PTPN2: variants seen among roughly 807,000 people sequenced by gnomAD.
The protein encoded by PTPN2 is protein tyrosine phosphatase non-receptor type 2.
Under a neutral mutation model 57.3 loss-of-function variants are expected in PTPN2, and 19 were observed. That is an observed-to-expected ratio of 0.33 (90% CI 0.23 to 0.49). The LOEUF (loss-of-function observed/expected upper bound fraction) is 0.49. Ranked by LOEUF, PTPN2 falls within the 20% of genes least tolerant of loss-of-function variation. The probability of loss-of-function intolerance (pLI) is 0.99; values close to 1 mark genes in which losing one functional copy is unlikely to be tolerated. For synonymous variants in PTPN2, 153 were observed against 164.9 expected, an observed-to-expected ratio of 0.93 and a Z score of 0.55; for missense variants, 358 against 501.1, an observed-to-expected ratio of 0.71 and a Z score of 2.73.
intron 1 of PTPN2, among the ~76,000 whole-genome samples, chr18:12,867,495 C>G (rs986338531): frequency 1.3e-5 from 2 of 151,906 alleles, no homozygotes; most frequent in African/African-American, 4.8e-5. Flanking sequence ...ATTGCTTACT[C>G]TTTCAGATGT....
downstream of PTPN2, among the ~76,000 whole-genome samples, chr18:12,791,327 A>AT (rs1278533102): frequency 6.6e-6 from 1 of 152,096 alleles, no homozygotes; most frequent in Admixed American, 6.5e-5. Context: ...TTTTTTTATA[A>AT]TTTTTTCTTC....
intron 7 of PTPN2, among the ~76,000 whole-genome samples, chr18:12,808,055 C>T (rs938606349): frequency 9.2e-5 from 14 of 151,788 alleles, no homozygotes; most frequent in South Asian, 2.1e-4. Flanking sequence ...TGGTGGCACG[C>T]GCCTGCAGTC....
intron 8 of PTPN2, among the ~76,000 whole-genome samples, chr18:12,800,349 G>C (rs943844843): frequency 6.6e-6 from 1 of 151,956 alleles, no homozygotes; most frequent in South Asian, 2.1e-4. Flanking sequence ...TCTGCAGATA[G>C]TACTAGATAA....
At chr18:12,870,301 G>GTA (rs2044157964) in intron 1 of PTPN2, among the ~76,000 whole-genome samples, 2 of 53,236 alleles carry the variant, frequency 3.8e-5, no homozygotes, top group East Asian at 1.7e-3. Context: ...ATATATATGT[G>GTA]TATATATACA....
intron 8 of PTPN2, 60 bp from the exon 9 acceptor site, chr18:12,794,545 AAC>A (rs957763731): frequency 5.7e-6 from 9 of 1,576,960 alleles, no homozygotes; most frequent in Non-Finnish European, 7.7e-6. Flanking sequence ...TGAGTACTCT[AAC>A]ACAGAGGACC....
intron 1 of PTPN2, among the ~76,000 whole-genome samples, chr18:12,874,489 G>A (rs2044405225): frequency 1.5e-5 from 2 of 133,348 alleles, no homozygotes; most frequent in African/African-American, 2.8e-5. Context: ...ACTGGGAAGT[G>A]AGGAGCCCCT....
intron 8 of PTPN2, among the ~76,000 whole-genome samples, chr18:12,795,937 C>CTTTTTTTTTT (rs71174143): frequency 7.1e-6 from 1 of 140,106 alleles, no homozygotes; most frequent in Non-Finnish European, 1.5e-5. Context: ...GATTTAAAAT[C>CTTTTTTTTTT]TTTTTTTTTT....
intron 1 of PTPN2, among the ~76,000 whole-genome samples, chr18:12,866,298 T>C (rs1040858565): frequency 6.6e-6 from 1 of 151,122 alleles, no homozygotes; most frequent in Admixed American, 6.6e-5. Flanking sequence ...ATTAGCCGGG[T>C]GTGGTGGCGG....
downstream of PTPN2, among the ~76,000 whole-genome samples, chr18:12,791,662 A>G (rs2040985421): frequency 6.6e-6 from 1 of 152,244 alleles, no homozygotes; most frequent in African/African-American, 2.4e-5. Flanking sequence ...TCCACTGTCA[A>G]TGCCCTTCTC....
intron 6 of PTPN2, among the ~76,000 whole-genome samples, chr18:12,815,479 A>C (rs1218595715): frequency 1.3e-5 from 2 of 152,128 alleles, no homozygotes; most frequent in Admixed American, 1.3e-4. Context: ...AAAGACAGCA[A>C]AAGCCCAGAT....
Position 12,831,024 on chromosome 18 carries a change from T to C in PTPN2, c.279A>G (p.Thr93=), listed in dbSNP as rs111484967. ...YILTQGPLPN[T]CCHFWLMVWQ... ...AAACCATAAGCCAGAAATGGCAGCA[T>C]GTGTTAGGAAGTGGACCCTGTGAAG... Residue 93 remains threonine (T), a synonymous_variant, in exon 4 of 9, where the codon ACA becomes ACG. Transcript: ENST00000309660. The C allele has an allele frequency of 2.8e-4, 445 of 1,607,568 alleles. No individual in the cohort carries two copies. Among genetic ancestry groups the C allele is most frequent in the Non-Finnish European group, 3.3e-4 (388 of 1,174,402 alleles).
intron 1 of PTPN2, 100 bp from the exon 2 acceptor site, chr18:12,859,354 T>C (rs1196371156): frequency 1.4e-6 from 1 of 725,038 alleles, no homozygotes; most frequent in Non-Finnish European, 2.3e-6. Flanking sequence ...ACTTATGATA[T>C]GCCAAGTACT....
chr18:12,806,768 T>TC (rs1265405052), intron 7 of PTPN2, among the ~76,000 whole-genome samples: 1 of 151,914 alleles, frequency 6.6e-6, no homozygotes, highest in Non-Finnish European at 1.5e-5. Flanking sequence ...TAGACCCCTA[T>TC]CTCTCACCAT....
intron 2 of PTPN2, among the ~76,000 whole-genome samples, chr18:12,844,886 G>A (rs1047662795): frequency 1.3e-5 from 2 of 151,992 alleles, no homozygotes; most frequent in African/African-American, 4.8e-5. Flanking sequence ...ATCCATCTAT[G>A]ATCTATCTTC....
chr18:12,871,371 G>C (rs750061599), intron 1 of PTPN2, among the ~76,000 whole-genome samples: 3 of 151,794 alleles, frequency 2.0e-5, no homozygotes, highest in Non-Finnish European at 4.4e-5. Flanking sequence ...TGTCTGATAG[G>C]TGAAAAATGG....
At chr18:12,808,714 G>A (rs2847291) in intron 7 of PTPN2, among the ~76,000 whole-genome samples, 43,381 of 152,200 alleles carry the variant, frequency 0.29, 7,305 homozygotes, top group Admixed American at 0.4. Context: ...CCAGGAGGCG[G>A]AGGTTGCAGT....
At chr18:12,797,030 C>T (rs1334104693) in intron 8 of PTPN2, among the ~76,000 whole-genome samples, 1 of 152,052 alleles carries the variant, frequency 6.6e-6, no homozygotes, top group Non-Finnish European at 1.5e-5. Flanking sequence ...GTCTGAACTC[C>T]ATCTGAATAT....
At chr18:12,790,080 G>A (rs938393839), downstream of PTPN2, among the ~76,000 whole-genome samples, 6 of 151,884 alleles carry the variant, frequency 4.0e-5, no homozygotes, top group Admixed American at 6.6e-5. Context: ...CTACAGGCAC[G>A]TGCCAACATA....
intron 2 of PTPN2, among the ~76,000 whole-genome samples, chr18:12,849,448 A>T (rs1266552205): frequency 1.3e-5 from 2 of 152,148 alleles, no homozygotes; most frequent in Admixed American, 1.3e-4. Flanking sequence ...AATACAAACT[A>T]CTTGGGAGGC....
Sources: gnomAD v4.1 joint callset for allele counts (sites outside exome capture counted in the v4.1 genomes callset) on GRCh38, gnomAD v4.1.1 for gene constraint, MANE v1.5 for transcripts, NCBI Gene and HGNC (gene_info 2026-07-23, HGNC 2026-07-21) for gene names.